Variants in LRP5 observed in about 807,000 individuals in gnomAD.
The protein encoded by LRP5 is low-density lipoprotein receptor-related protein 5.
In LRP5, 62 loss-of-function variants were observed where a neutral mutation model predicts 154.1. The observed-to-expected ratio is 0.40, with a 90% CI of 0.33 to 0.50. The LOEUF (loss-of-function observed/expected upper bound fraction) is 0.50. LRP5 is among the 20% of genes least tolerant of loss of function. LRP5 has a pLI of 0.55. For missense variants in LRP5, 1,915 were observed against 2,336.7 expected, an observed-to-expected ratio of 0.82 and a Z score of 3.72; for synonymous variants, 966 against 1,011.5, an observed-to-expected ratio of 0.96 and a Z score of 0.85.
At chr11:68,389,075 T>TGAC (rs2098644626) in intron 6 of LRP5, among the ~76,000 whole-genome samples, 1 of 30,664 alleles carries the variant, frequency 3.3e-5, no homozygotes, top group Non-Finnish European at 7.3e-5. Flanking sequence ...TTACCAACAC[T>TGAC]ATTTACCAAC....
intron 5 of LRP5, among the ~76,000 whole-genome samples, chr11:68,380,688 G>A (rs2098639793): frequency 6.6e-6 from 1 of 152,256 alleles, no homozygotes; most frequent in African/African-American, 2.4e-5. Context: ...CCTGCATGCA[G>A]TGGGGCCTCA....
chr11:68,367,936 G>A (rs1458006703), intron 5 of LRP5, among the ~76,000 whole-genome samples: 1 of 151,966 alleles, frequency 6.6e-6, no homozygotes, highest in East Asian at 1.9e-4. Flanking sequence ...GTAGTGGCAC[G>A]GGCCTGTAAT....
At chr11:68,318,861 T>C (rs551210131) in intron 1 of LRP5, among the ~76,000 whole-genome samples, 123 of 152,266 alleles carry the variant, frequency 8.1e-4, no homozygotes, top group African/African-American at 2.9e-3. Context: ...CTGTGGGGCA[T>C]TGAGAGGCAC....
At chr11:68,368,366 G>A (rs778333292) in intron 5 of LRP5, among the ~76,000 whole-genome samples, 3 of 152,226 alleles carry the variant, frequency 2.0e-5, no homozygotes, top group Non-Finnish European at 4.4e-5. Context: ...TCTCTCAGGA[G>A]GCCTGAGATC....
chr11:68,311,474 T>A (rs1219647244), upstream of LRP5, among the ~76,000 whole-genome samples: 1 of 152,230 alleles, frequency 6.6e-6, no homozygotes, highest in African/African-American at 2.4e-5. Flanking sequence ...TAAGCCAGTT[T>A]CCCCAAACAC....
Position 68,447,599 on chromosome 11 carries a change from C to G in LRP5, c.4586+1066C>G, listed in dbSNP as rs1237619258. On this transcript the variant is annotated intron_variant, in intron 22 of 22. Transcript: ENST00000294304. The surrounding 1 kb of genome is among the most constrained non-coding windows in gnomAD (Gnocchi z 4.3). ...CAGCCCAGTCTCGCTAGTTCCTCGT[C>G]CCACCTCCTGCCTTTGCTCATGCCC... Among the ~76,000 whole-genome samples the G allele has an allele frequency of 6.6e-6, 1 of 152,182 alleles. No individual in the cohort carries two copies. The highest frequency in any genetic ancestry group is 1.5e-5 in the Non-Finnish European group (1 of 68,026).
At position 68,406,553 on chromosome 11, in the gene LRP5, G is replaced by A; in HGVS notation, c.1831G>A (p.Gly611Arg). 1 of 1,614,122 alleles carries A rather than the reference G, an allele frequency of 6.2e-7. No individual in the cohort carries two copies. Among genetic ancestry groups the A allele is most frequent in the Non-Finnish European group, 8.5e-7 (1 of 1,180,036 alleles). Residue 611 changes from glycine (G) to arginine (R), a missense_variant, in exon 9 of 23, where the codon GGG becomes AGG. This residue lies in a region of LRP5 where 773 missense variants were observed against 1,100.9 expected (regional missense o/e 0.70). Coordinates refer to ENST00000294304, the MANE Select transcript of LRP5 (RefSeq NM_002335.4). ...CAACCCGTGTGCGGACAGGAACGGGGGGTGCAGCCACCTGTGCTTCTTCAC... is the reference window on the plus strand; with the variant it reads ...CAACCCGTGTGCGGACAGGAACGGGAGGTGCAGCCACCTGTGCTTCTTCAC... The part of the protein sequence containing the change: ...GTNPCADRNG[G>R]CSHLCFFTPH...
chr11:68,329,405 G>A (rs113842771), intron 1 of LRP5, among the ~76,000 whole-genome samples: 5 of 152,330 alleles, frequency 3.3e-5, no homozygotes, highest in African/African-American at 1.2e-4. Context: ...CAATTAACTT[G>A]CTCAAATTTG....
At chr11:68,388,358 C>T (rs2098644174) in intron 6 of LRP5, among the ~76,000 whole-genome samples, 1 of 152,144 alleles carries the variant, frequency 6.6e-6, no homozygotes, top group African/African-American at 2.4e-5. Context: ...GGGAAGCTGA[C>T]TCCAAGGCCC....
chr11:68,435,157 C>G (rs2098674165), intron 18 of LRP5, among the ~76,000 whole-genome samples: 1 of 152,242 alleles, frequency 6.6e-6, no homozygotes. Flanking sequence ...TTCAAAGCCC[C>G]AGACCTCACG....
intron 7 of LRP5, among the ~76,000 whole-genome samples, chr11:68,392,142 C>T (rs766661424): frequency 2.0e-5 from 3 of 152,180 alleles, no homozygotes; most frequent in Non-Finnish European, 4.4e-5. Context: ...AGCCGTCACA[C>T]GCAGCTCAAT....
At chr11:68,409,776 G>T in intron 9 of LRP5, 138 bp from the exon 10 acceptor site, 1 of 732,698 alleles carries the variant, frequency 1.4e-6, no homozygotes. Context: ...CTTGAACCCA[G>T]GGGGCAGAGG....
intron 5 of LRP5, among the ~76,000 whole-genome samples, chr11:68,368,982 C>T (rs552084938): frequency 2.0e-5 from 3 of 151,870 alleles, no homozygotes; most frequent in South Asian, 2.1e-4. Context: ...GGATTACAGG[C>T]GCCCGCTACT....
chr11:68,408,660 C>T (rs2098657113), intron 9 of LRP5, among the ~76,000 whole-genome samples: 1 of 152,076 alleles, frequency 6.6e-6, no homozygotes. Context: ...TTTGATGGCG[C>T]TGTGACAAAC....
At chr11:68,354,777 G>C (rs544051332) in intron 2 of LRP5, among the ~76,000 whole-genome samples, 2 of 152,214 alleles carry the variant, frequency 1.3e-5, no homozygotes, top group African/African-American at 4.8e-5. Flanking sequence ...GCCTTTCGGG[G>C]CCTCAGTTTT....
chr11:68,320,740 A>G (rs1236501118), intron 1 of LRP5, among the ~76,000 whole-genome samples: 2 of 151,952 alleles, frequency 1.3e-5, no homozygotes, highest in Non-Finnish European at 2.9e-5. Context: ...GGGATTACAG[A>G]CATAAGCCAC....
At chr11:68,345,060 AC>A (rs1364790661) in intron 1 of LRP5, among the ~76,000 whole-genome samples, 1 of 150,406 alleles carries the variant, frequency 6.6e-6, no homozygotes, top group Non-Finnish European at 1.5e-5. Context: ...GCAGGGTTTC[AC>A]CATCTTGGCC....
chr11:68,439,869 G>A lies in LRP5; in HGVS notation c.4441G>A (p.Ala1481Thr). 1 of 1,597,638 alleles carries A rather than the reference G, an allele frequency of 6.3e-7. No homozygotes were observed. The highest frequency in any genetic ancestry group is 8.5e-7 in the Non-Finnish European group (1 of 1,174,488). Residue 1481 changes from alanine (A) to threonine (T), a missense_variant, in exon 21 of 23, where the codon GCC (alanine) becomes ACC (threonine). Coordinates refer to ENST00000294304, the MANE Select transcript of LRP5 (RefSeq NM_002335.4). ...CTACGACCGGAACCACGTCACAGGGGCCTCGTCCAGCAGCTCGTCCAGCAC... is the reference window on the plus strand; with the variant it reads ...CTACGACCGGAACCACGTCACAGGGACCTCGTCCAGCAGCTCGTCCAGCAC... The part of the protein sequence containing the change: ...PLYDRNHVTG[A>T]SSSSSSSTKA...
At chr11:68,390,845 G>A (rs1222547739) in intron 7 of LRP5, among the ~76,000 whole-genome samples, 5 of 151,592 alleles carry the variant, frequency 3.3e-5, no homozygotes, top group Non-Finnish European at 5.9e-5. Context: ...TCCTGTGGAC[G>A]CAGCCTCGCC....
Sources: allele counts gnomAD v4.1 joint callset (sites outside exome capture counted in the v4.1 genomes callset), GRCh38; gene constraint gnomAD v4.1.1; regional missense constraint gnomAD v4.1.1; non-coding constraint Gnocchi (gnomAD v3.1); transcripts MANE v1.5; gene names NCBI Gene and HGNC (gene_info 2026-07-23, HGNC 2026-07-21).